SEC24A: variants seen among roughly 807,000 people sequenced by gnomAD.
SEC24A encodes the protein protein transport protein Sec24A.
In SEC24A, 93 loss-of-function variants were observed where a neutral mutation model predicts 129.4. The observed-to-expected ratio is 0.72, with a 90% CI of 0.61 to 0.85. The LOEUF (loss-of-function observed/expected upper bound fraction) is 0.85. Ranked by LOEUF, SEC24A falls within the 40% of genes least tolerant of loss-of-function variation. SEC24A has a pLI of 0.00. For missense variants in SEC24A, 1,264 were observed against 1,307.4 expected, an observed-to-expected ratio of 0.97 and a Z score of 0.51; for synonymous variants, 460 against 467.3, an observed-to-expected ratio of 0.98 and a Z score of 0.20.
chr5:134,651,619 A>T (rs1250839353), intron 1 of SEC24A, among the ~76,000 whole-genome samples: 2 of 151,340 alleles, frequency 1.3e-5, no homozygotes, highest in African/African-American at 4.9e-5. Context: ...TATGTATATT[A>T]TATATATAAT....
Position 134,667,014 on chromosome 5 carries a change from C to CA in SEC24A, c.739+21dup. ...CCAAGAAGGTAAGTGAACCAAGAAA[C>CA]AAAGTCAAATCCTCAAGTTTTGACT... On this transcript the variant is annotated intron_variant, in intron 3 of 22. Transcript: ENST00000398844. 6.6e-7 allele frequency: 1 copy of CA among 1,526,146 alleles called. No homozygotes were observed. Among genetic ancestry groups the CA allele is most frequent in the Non-Finnish European group, 8.8e-7 (1 of 1,140,256 alleles). The allele number at this position is 1,526,146 out of a possible 1,614,324, so 94.5% of individuals were successfully genotyped here.
chr5:134,672,166 T>A (rs1750888631), intron 4 of SEC24A, among the ~76,000 whole-genome samples: 2 of 151,868 alleles, frequency 1.3e-5, no homozygotes, highest in Admixed American at 1.3e-4. Context: ...CATAGCCACG[T>A]GTCACCATGC....
At chr5:134,692,836 T>C (rs1041437372) in intron 12 of SEC24A, 179 bp downstream of exon 12, 3 of 701,302 alleles carry the variant, frequency 4.3e-6, no homozygotes, top group Non-Finnish European at 5.0e-6. Flanking sequence ...CTGATCATTT[T>C]TAAGTCTAAT....
Position 134,692,740 on chromosome 5 carries a change from G to T in SEC24A, c.1779+83G>T, listed in dbSNP as rs537174367. ...TGAAATGAACTTTAAGTAAAATTTT[G>T]ATTATTTCTGTGACATTTCTAAGAT... On this transcript the variant is annotated intron_variant, in intron 12 of 22. Coordinates refer to ENST00000398844, the MANE Select transcript of SEC24A (RefSeq NM_021982.3). 103 of 896,970 alleles carry T rather than the reference G, an allele frequency of 1.1e-4. 1 individual carries two copies. The South Asian group carries it at 1.4e-3, about 12-fold the overall frequency. 55.6% of individuals were successfully genotyped at this position (896,970 alleles called of 1,614,324 possible).
chr5:134,702,215 A>C (rs559417908), intron 15 of SEC24A, among the ~76,000 whole-genome samples: 1 of 152,062 alleles, frequency 6.6e-6, no homozygotes, highest in African/African-American at 2.4e-5. Flanking sequence ...GGGTCTCACT[A>C]TGTTGCCCAG....
rs377653415 is a variant in SEC24A at position 134,674,653 on chromosome 5, C to T, written c.856C>T (p.Arg286Ter). Reference sequence around the variant, plus strand: ...TACTAACAAGAATCCCAAAATGAGCCGAAGTGTTGGATATTCATATCCCTC... The same window carrying T: ...TACTAACAAGAATCCCAAAATGAGCTGAAGTGTTGGATATTCATATCCCTC... ...QLTNKNPKMS[R>*]SVGYSYPSLP... The change falls in exon 5 of 23, where the codon CGA (arginine) becomes TGA (stop). Residue 286 changes from arginine to a stop codon, truncating the protein, a stop_gained. Transcript: ENST00000398844. LOFTEE classifies it high-confidence loss of function. 9.3e-6 allele frequency: 15 copies of T among 1,613,434 alleles called. No homozygotes were observed. Among genetic ancestry groups the T allele is most frequent in the South Asian group, 2.2e-5 (2 of 90,982 alleles).
chr5:134,682,524 A>G (rs1377979968), intron 9 of SEC24A, 42 bp downstream of exon 9: 3 of 1,006,438 alleles, frequency 3.0e-6, no homozygotes. Context: ...ATTTTTTATT[A>G]CCAGGTTTTA....
At chr5:134,672,560 G>C (rs1312775992) in intron 4 of SEC24A, among the ~76,000 whole-genome samples, 2 of 151,870 alleles carry the variant, frequency 1.3e-5, no homozygotes, top group Non-Finnish European at 2.9e-5. Flanking sequence ...GAATTCCTGG[G>C]CTCAAGCGAT....
At chr5:134,674,553 A>G (rs543876634) in intron 4 of SEC24A, 62 bp from the exon 5 acceptor site, 1 of 1,481,206 alleles carries the variant, frequency 6.8e-7, no homozygotes, top group African/African-American at 1.4e-5. Flanking sequence ...ATGTTTTTTT[A>G]AAATAAATAA....
At position 134,726,811 on chromosome 5, in the gene SEC24A, T is replaced by C. The variant is rs1391348533; in HGVS notation, c.*1717T>C. The C allele has an allele frequency of 6.6e-6, 1 of 152,194 alleles. No individual in the cohort carries two copies. Among genetic ancestry groups the C allele is most frequent in the Admixed American group, 6.5e-5 (1 of 15,274 alleles). 9.4% of individuals were successfully genotyped at this position (152,194 alleles called of 1,614,324 possible). A position where few individuals can be genotyped will look rare whatever the true frequency, so the allele number is the denominator to read the frequency against. Reference sequence around the variant, plus strand: ...TTAATGTGATTTTAAATGGAGTTATTTGTAGGTCCTTTCTTAGTAGTAAAG... The same window carrying C: ...TTAATGTGATTTTAAATGGAGTTATCTGTAGGTCCTTTCTTAGTAGTAAAG... On this transcript the variant is annotated 3_prime_UTR_variant, in exon 23 of 23. Coordinates refer to ENST00000398844, the MANE Select transcript of SEC24A (RefSeq NM_021982.3).
intron 20 of SEC24A, 54 bp downstream of exon 20, chr5:134,718,227 T>C (rs1752535087): frequency 7.6e-7 from 1 of 1,308,184 alleles, no homozygotes; most frequent in African/African-American, 1.5e-5. Flanking sequence ...ACTGTTTTAA[T>C]TTAGCATTTG....
At chr5:134,688,107 C>G in intron 10 of SEC24A, 74 bp from the exon 11 acceptor site, 2 of 863,010 alleles carry the variant, frequency 2.3e-6, no homozygotes, top group Non-Finnish European at 4.0e-6. Context: ...TTTCATGTAA[C>G]TCTTAGGACA....
At chr5:134,658,138 AC>A (rs1310508198) in intron 1 of SEC24A, among the ~76,000 whole-genome samples, 2 of 152,064 alleles carry the variant, frequency 1.3e-5, no homozygotes, top group African/African-American at 2.4e-5. Context: ...GTGGTGGTGC[AC>A]ACCTGTAATC....
chr5:134,654,983 G>A (rs999775015), intron 1 of SEC24A, among the ~76,000 whole-genome samples: 1 of 152,118 alleles, frequency 6.6e-6, no homozygotes, highest in African/African-American at 2.4e-5. Flanking sequence ...CCAAAGTGCT[G>A]GGATTACAGG....
chr5:134,705,344 G>T lies in SEC24A; in HGVS notation c.2458G>T (p.Val820Phe). The T allele has an allele frequency of 6.2e-7, 1 of 1,613,186 alleles. No individual in the cohort carries two copies. The highest frequency in any genetic ancestry group is 8.5e-7 in the Non-Finnish European group (1 of 1,179,502). The change falls in exon 17 of 23, where the codon GTT becomes TTT. Residue 820 changes from valine to phenylalanine, a missense_variant. Transcript: ENST00000398844. ...CCCCAAAGGCGAAAGAAGAATTCGT[G>T]TTCATACTTTGTGTTTGCCAGTAGT... ...TSSKGERRIRVHTLCLPVVST... is the reference protein window; with the variant it reads ...TSSKGERRIRFHTLCLPVVST...
At chr5:134,709,740 T>C (rs1035042931) in intron 18 of SEC24A, among the ~76,000 whole-genome samples, 3 of 152,204 alleles carry the variant, frequency 2.0e-5, no homozygotes, top group Admixed American at 6.5e-5. Flanking sequence ...TTGTATACTA[T>C]ATCATAGCAT....
At chr5:134,688,322 T>A (rs781062060) in intron 11 of SEC24A, 23 bp downstream of exon 11, 1 of 1,336,350 alleles carries the variant, frequency 7.5e-7, no homozygotes, top group Admixed American at 1.8e-5. Flanking sequence ...TGAACTACTT[T>A]CATAATTTTT....
At position 134,693,785 on chromosome 5, in the gene SEC24A, A is replaced by G. The variant is rs766119182; in HGVS notation, c.1838A>G (p.Gln613Arg). The change falls in exon 13 of 23, where the codon CAG becomes CGG. Residue 613 changes from glutamine (Q) to arginine (R), a missense_variant. By Grantham distance (43) the Gln-to-Arg change is conservative. Coordinates refer to ENST00000398844, the MANE Select transcript of SEC24A (RefSeq NM_021982.3). ...ATGTTTACCAAGACTCTGGAGACCC[A>G]GAGTGCCTTGGGTCCTGCACTGCAG... is the stretch of plus-strand genomic sequence containing the variant. Reference protein sequence around the residue: ...PQMFTKTLETQSALGPALQAA... With the variant: ...PQMFTKTLETRSALGPALQAA... 1 of 1,614,244 alleles carries G rather than the reference A, an allele frequency of 6.2e-7. No homozygotes were observed.
At chr5:134,701,237 G>T (rs1443366027) in intron 15 of SEC24A, 1 of 152,280 alleles carries the variant, frequency 6.6e-6, no homozygotes, top group Non-Finnish European at 1.5e-5. Context: ...AATCTTCTCT[G>T]TATGGTTCTA....
Sources: allele counts gnomAD v4.1 joint callset (sites outside exome capture counted in the v4.1 genomes callset), GRCh38; gene constraint gnomAD v4.1.1; transcripts MANE v1.5; gene names NCBI Gene and HGNC (gene_info 2026-07-23, HGNC 2026-07-21).